RBMS2: variants seen among roughly 807,000 people sequenced by gnomAD.
RBMS2 encodes the protein RNA binding motif single stranded interacting protein 2, also known as RNA-binding motif, single-stranded-interacting protein 2.
A neutral mutation model predicts 58.4 loss-of-function variants in RBMS2; 38 were observed. The observed-to-expected ratio is 0.65, with a 90% CI of 0.50 to 0.85. The LOEUF is 0.85. RBMS2 is among the 40% of genes least tolerant of loss of function. The pLI is 0.00. For missense variants in RBMS2, 367 were observed against 503.7 expected, an observed-to-expected ratio of 0.73 and a Z score of 2.60; for synonymous variants, 151 against 180.7, an observed-to-expected ratio of 0.84 and a Z score of 1.32.
chr12:56,595,388 A>ATGT lies in RBMS2; in HGVS notation c.*6257_*6259dup, dbSNP rs1473966500. The ATGT allele has an allele frequency of 6.6e-6, 1 of 152,076 alleles. No homozygotes were observed. Among genetic ancestry groups the ATGT allele is most frequent in the African/African-American group, 2.4e-5 (1 of 41,410 alleles). The allele number at this position is 152,076 out of a possible 1,614,324, so 9.4% of individuals were successfully genotyped here. A position where few individuals can be genotyped will look rare whatever the true frequency, so the allele number is the denominator to read the frequency against. On this transcript the variant is annotated 3_prime_UTR_variant, in exon 14 of 14. Coordinates refer to ENST00000262031, the MANE Select transcript of RBMS2 (RefSeq NM_002898.4). ...ACACCTCTTTGCATGTGGACAGAAA[A>ATGT]TGTTTATACTTAAACAGACATATTT...
chr12:56,523,907 T>C (rs548890375), intron 1 of RBMS2, among the ~76,000 whole-genome samples: 17 of 152,142 alleles, frequency 1.1e-4, no homozygotes, highest in Non-Finnish European at 2.5e-4. Context: ...ATATTTCACA[T>C]GTCTTTATTC....
Position 56,590,806 on chromosome 12 carries a change from A to C in RBMS2, c.*1673A>C, listed in dbSNP as rs1360168889. The C allele has an allele frequency of 6.6e-6, 1 of 152,240 alleles. No homozygotes were observed. Among genetic ancestry groups the C allele is most frequent in the Non-Finnish European group, 1.5e-5 (1 of 68,100 alleles). 9.4% of individuals were successfully genotyped at this position (152,240 alleles called of 1,614,324 possible). A position where few individuals can be genotyped will look rare whatever the true frequency, so the allele number is the denominator to read the frequency against. On this transcript the variant is annotated 3_prime_UTR_variant, in exon 14 of 14. Transcript: ENST00000262031. ...GCTGTGCAATGGTGGGAAAGGACAA[A>C]GCTCTCTAAACTGTCCAGAGCAACC...
chr12:56,544,859 G>A (rs573744430), intron 1 of RBMS2, among the ~76,000 whole-genome samples: 10 of 143,372 alleles, frequency 7.0e-5, no homozygotes, highest in Admixed American at 6.3e-4. Flanking sequence ...CTACCAAAGT[G>A]TTAAGATTCT....
intron 5 of RBMS2, among the ~76,000 whole-genome samples, chr12:56,574,072 C>T (rs1222375711): frequency 6.6e-6 from 1 of 152,130 alleles, no homozygotes. Flanking sequence ...AACTCCTGAC[C>T]TCAGGTTATC....
At chr12:56,569,271 A>G (rs561375988) in intron 3 of RBMS2, among the ~76,000 whole-genome samples, 5 of 152,178 alleles carry the variant, frequency 3.3e-5, no homozygotes, top group South Asian at 2.1e-4. Context: ...GAGTCTACTG[A>G]GCTTATTTTG....
chr12:56,525,597 C>T (rs1233670328), intron 1 of RBMS2, among the ~76,000 whole-genome samples: 2 of 152,056 alleles, frequency 1.3e-5, no homozygotes, highest in African/African-American at 2.4e-5. Flanking sequence ...GATCTCGGCT[C>T]ACTACAATCT....
intron 1 of RBMS2, among the ~76,000 whole-genome samples, chr12:56,524,467 G>T (rs1432276660): frequency 1.3e-5 from 2 of 151,368 alleles, no homozygotes; most frequent in African/African-American, 2.4e-5. Context: ...ACCCAGGCTG[G>T]AGTGCAGTGG....
At chr12:56,580,674 A>T (rs1291966059) in intron 5 of RBMS2, among the ~76,000 whole-genome samples, 1 of 152,122 alleles carries the variant, frequency 6.6e-6, no homozygotes, top group African/African-American at 2.4e-5. Flanking sequence ...TTTTTCTATC[A>T]CTATGGGCCA....
intron 1 of RBMS2, among the ~76,000 whole-genome samples, chr12:56,528,572 A>C (rs904741036): frequency 2.0e-5 from 3 of 152,192 alleles, no homozygotes; most frequent in Non-Finnish European, 4.4e-5. Flanking sequence ...ATTAGCCATC[A>C]AGGAAATATA....
rs574971934 is a variant in RBMS2, at chr12:56,578,647, G to A, written c.543-2537G>A. Among the ~76,000 whole-genome samples the A allele has an allele frequency of 3.3e-5, 5 of 152,046 alleles. No homozygotes were observed. In the South Asian group the frequency reaches 6.2e-4, roughly 19 times the overall value. ...TAAATAAGTAGATGGGAGTGGAAAG[G>A]ATTTTGTTAAAACAGGAATTTTAAA... On this transcript the variant is annotated intron_variant, in intron 5 of 13. Coordinates refer to ENST00000262031, the MANE Select transcript of RBMS2 (RefSeq NM_002898.4).
At chr12:56,520,992 GA>G (rs1871664321), upstream of RBMS2, among the ~76,000 whole-genome samples, 2 of 152,200 alleles carry the variant, frequency 1.3e-5, no homozygotes, top group Non-Finnish European at 2.9e-5. Context: ...CGGAGAATCT[GA>G]AATAGGAGTG....
Position 56,594,180 on chromosome 12 carries a change from G to A in RBMS2, c.*5047G>A, listed in dbSNP as rs527837019. On this transcript the variant is annotated 3_prime_UTR_variant, in exon 14 of 14. Transcript: ENST00000262031. ...GTCAACCCGTGGGCTGTTACTTTGCGTCATATGATGCTGTGAGAGGCCTTG... is the reference window on the plus strand; with the variant it reads ...GTCAACCCGTGGGCTGTTACTTTGCATCATATGATGCTGTGAGAGGCCTTG... 2 of 152,254 alleles carry A rather than the reference G, an allele frequency of 1.3e-5. No individual in the cohort carries two copies. The highest frequency in any genetic ancestry group is 1.5e-5 in the Non-Finnish European group (1 of 68,062). 9.4% of individuals were successfully genotyped at this position (152,254 alleles called of 1,614,324 possible).
intron 12 of RBMS2, 155 bp downstream of exon 12, chr12:56,588,529 G>A (rs1453120553): frequency 1.5e-5 from 10 of 684,870 alleles, no homozygotes; most frequent in South Asian, 5.4e-5. Flanking sequence ...TGCTCGCTTC[G>A]GCAGCATGCA....
chr12:56,547,805 C>T (rs574682097), intron 1 of RBMS2, among the ~76,000 whole-genome samples: 4 of 151,746 alleles, frequency 2.6e-5, no homozygotes, highest in Non-Finnish European at 5.9e-5. Flanking sequence ...CCCACTACCA[C>T]GCCTGGCTAA....
chr12:56,524,130 G>A (rs936323523), intron 1 of RBMS2, among the ~76,000 whole-genome samples: 5 of 152,126 alleles, frequency 3.3e-5, no homozygotes, highest in African/African-American at 1.2e-4. Context: ...AAGTTAATTA[G>A]CTTCTAAATC....
chr12:56,559,624 G>A (rs1236866916), intron 1 of RBMS2, among the ~76,000 whole-genome samples: 1 of 150,060 alleles, frequency 6.7e-6, no homozygotes, highest in Non-Finnish European at 1.5e-5. Flanking sequence ...GGCCAAGACG[G>A]GCGGATCACG....
intron 1 of RBMS2, among the ~76,000 whole-genome samples, chr12:56,541,842 A>G (rs1227435685): frequency 1.3e-5 from 2 of 152,188 alleles, no homozygotes; most frequent in African/African-American, 4.8e-5. Context: ...TCTAGTCACT[A>G]AGAAGGGAGG....
At chr12:56,542,817 T>G (rs1592361016) in intron 1 of RBMS2, among the ~76,000 whole-genome samples, 1 of 151,954 alleles carries the variant, frequency 6.6e-6, no homozygotes, top group Non-Finnish European at 1.5e-5. Flanking sequence ...CCCGAAGTGT[T>G]GGGATTATAG....
At chr12:56,562,074 C>T (rs1230790528) in intron 1 of RBMS2, among the ~76,000 whole-genome samples, 1 of 152,148 alleles carries the variant, frequency 6.6e-6, no homozygotes, top group Non-Finnish European at 1.5e-5. Context: ...TCCCAAAGTG[C>T]TGGGATTACA....
Sources: gnomAD v4.1 joint callset for allele counts (sites outside exome capture counted in the v4.1 genomes callset) on GRCh38, gnomAD v4.1.1 for gene constraint, MANE v1.5 for transcripts, NCBI Gene and HGNC (gene_info 2026-07-23, HGNC 2026-07-21) for gene names.